STK32C: variants seen among roughly 807,000 people sequenced by gnomAD.
STK32C encodes the protein serine/threonine kinase 32C.
In STK32C, 31 loss-of-function variants were observed where a neutral mutation model predicts 56.5. The observed-to-expected ratio is 0.55, with a 90% CI of 0.41 to 0.74. The LOEUF (loss-of-function observed/expected upper bound fraction) is 0.74, where lower values mean the gene tolerates loss of function less well. Ranked by LOEUF, STK32C falls within the 30% of genes least tolerant of loss-of-function variation. The pLI is 0.00. For synonymous variants in STK32C, 309 were observed against 289.4 expected (o/e 1.07, Z -0.69); for missense variants, 544 against 676.9 (o/e 0.80, Z 2.18).
intron 2 of STK32C, among the ~76,000 whole-genome samples, chr10:132,237,954 T>A (rs1240424517): frequency 2.0e-5 from 3 of 152,094 alleles, no homozygotes; most frequent in Admixed American, 2.0e-4. Context: ...ATCCTCAGCA[T>A]CTCTGCCTCC....
chr10:132,312,516 G>A (rs75443972), upstream of STK32C, among the ~76,000 whole-genome samples: 34 of 152,236 alleles, frequency 2.2e-4, no homozygotes, highest in East Asian at 6.2e-3. Flanking sequence ...TGATGAGATA[G>A]GCATAAGATA....
chr10:132,238,544 C>T (rs2063379651), intron 2 of STK32C, among the ~76,000 whole-genome samples: 1 of 152,066 alleles, frequency 6.6e-6, no homozygotes, highest in Non-Finnish European at 1.5e-5. Context: ...ACAGGCCTGC[C>T]CTGGTTGTCT....
chr10:132,283,965 A>C (rs1442936173), intron 1 of STK32C, among the ~76,000 whole-genome samples: 1 of 152,076 alleles, frequency 6.6e-6, no homozygotes, highest in Non-Finnish European at 1.5e-5. Context: ...AGGCAAGTAC[A>C]CAGATGGCAC....
At chr10:132,292,167 G>A (rs1204505957) in intron 1 of STK32C, among the ~76,000 whole-genome samples, 1 of 152,142 alleles carries the variant, frequency 6.6e-6, no homozygotes, top group Non-Finnish European at 1.5e-5. Flanking sequence ...GAGGCAGACT[G>A]CCACCCTGGA....
intron 1 of STK32C, among the ~76,000 whole-genome samples, chr10:132,294,992 G>A (rs1023946623): frequency 1.3e-5 from 2 of 152,160 alleles, no homozygotes; most frequent in Admixed American, 1.3e-4. Context: ...AGCTCCAGAT[G>A]TCAGCGGCCT....
Position 132,207,680 on chromosome 10 carries a change from C to T in STK32C, c.*330G>A, listed in dbSNP as rs1435088657. The stretch of plus-strand genomic sequence containing the variant: ...GTCACCTTGTGACGAGGGCCGTGCA[C>T]AGCCTCCGGGCTGAGCAGGGACAAA... On this transcript the variant is annotated 3_prime_UTR_variant, in exon 12 of 12. Transcript: ENST00000298630. 3.2e-5 allele frequency: 8 copies of T among 246,682 alleles called. No individual in the cohort carries two copies. The highest frequency in any genetic ancestry group is 1.6e-4 in the African/African-American group (7 of 44,986). The allele number at this position is 246,682 out of a possible 1,614,324, so 15.3% of individuals were successfully genotyped here.
intron 1 of STK32C, among the ~76,000 whole-genome samples, chr10:132,327,480 A>AC (rs1554886372): frequency 6.1e-5 from 9 of 146,950 alleles, no homozygotes; most frequent in Non-Finnish European, 1.2e-4. Context: ...TTTAAAACAA[A>AC]TTTTTTTTTT....
chr10:132,319,739 G>C (rs1281771536), downstream of STK32C, among the ~76,000 whole-genome samples: 1 of 152,184 alleles, frequency 6.6e-6, no homozygotes, highest in Non-Finnish European at 1.5e-5. Context: ...GGAGTGTGGG[G>C]ATGGTATAAA....
At chr10:132,268,301 C>A (rs201308119) in intron 1 of STK32C, among the ~76,000 whole-genome samples, 1 of 33,168 alleles carries the variant, frequency 3.0e-5, no homozygotes, top group South Asian at 7.7e-4. Flanking sequence ...GCATGCATGT[C>A]TCTCACATTG....
intron 1 of STK32C, among the ~76,000 whole-genome samples, chr10:132,318,249 C>A (rs2066343258): frequency 6.6e-6 from 1 of 150,790 alleles, no homozygotes; most frequent in African/African-American, 2.4e-5. Flanking sequence ...GCCTGGGCGA[C>A]AGAAGGAGAC....
chr10:132,275,253 C>T (rs2064961178), intron 1 of STK32C, among the ~76,000 whole-genome samples: 1 of 152,208 alleles, frequency 6.6e-6, no homozygotes, highest in Non-Finnish European at 1.5e-5. Flanking sequence ...CCCATGGCTA[C>T]TCACAGACAG....
intron 2 of STK32C, among the ~76,000 whole-genome samples, chr10:132,235,608 G>A (rs958680368): frequency 6.6e-6 from 1 of 151,998 alleles, no homozygotes; most frequent in Admixed American, 6.6e-5. Context: ...GGAAGGGACA[G>A]TGTCGGGGCC....
At chr10:132,282,525 G>C (rs2065247937) in intron 1 of STK32C, among the ~76,000 whole-genome samples, 2 of 151,620 alleles carry the variant, frequency 1.3e-5, no homozygotes, top group Non-Finnish European at 2.9e-5. Flanking sequence ...ACCTGTGCCT[G>C]TGCCCACCTG....
intron 1 of STK32C, among the ~76,000 whole-genome samples, chr10:132,285,838 T>C (rs10870286): frequency 0.38 from 57,908 of 152,076 alleles, 11,595 homozygotes; most frequent in African/African-American, 0.49. Context: ...AAGGAAAATA[T>C]TGGCCAGTCG....
chr10:132,261,875 T>C (rs951777404), intron 1 of STK32C, among the ~76,000 whole-genome samples: 1 of 152,220 alleles, frequency 6.6e-6, no homozygotes, highest in African/African-American at 2.4e-5. Flanking sequence ...CTGCCCAAAG[T>C]AATCTACTGA....
At chr10:132,236,497 A>G (rs1206037187) in intron 2 of STK32C, among the ~76,000 whole-genome samples, 1 of 152,216 alleles carries the variant, frequency 6.6e-6, no homozygotes, top group East Asian at 1.9e-4. Flanking sequence ...GGCCCAGCGC[A>G]GTGGCGAGGA....
intron 1 of STK32C, among the ~76,000 whole-genome samples, chr10:132,252,398 T>A (rs2137996159): frequency 6.6e-6 from 1 of 152,350 alleles, no homozygotes. Flanking sequence ...TGGGCATGGG[T>A]CGTGATTACG....
intron 1 of STK32C, among the ~76,000 whole-genome samples, chr10:132,292,563 A>C (rs565084555): frequency 2.1e-4 from 32 of 152,358 alleles, no homozygotes; most frequent in Middle Eastern, 3.4e-3. Context: ...GCTCATGCAC[A>C]CACATTCATA....
chr10:132,315,040 A>C (rs1214546112), intron 1 of STK32C, among the ~76,000 whole-genome samples: 3 of 152,236 alleles, frequency 2.0e-5, no homozygotes, highest in Admixed American at 1.3e-4. Flanking sequence ...AGGCTGAGAC[A>C]GGAGAATCAT....
Sources: allele counts gnomAD v4.1 joint callset (sites outside exome capture counted in the v4.1 genomes callset), GRCh38; gene constraint gnomAD v4.1.1; transcripts MANE v1.5; gene names NCBI Gene and HGNC (gene_info 2026-07-23, HGNC 2026-07-21).